Variants in NETO1 observed in about 807,000 individuals in gnomAD.
The protein encoded by NETO1 is neuropilin and tolloid-like protein 1.
NETO1 carries 26 observed loss-of-function variants against 61.3 expected under a neutral mutation model. That is an observed-to-expected ratio of 0.42 (90% confidence interval 0.31 to 0.59). The LOEUF (loss-of-function observed/expected upper bound fraction) is 0.59, where lower values mean the gene tolerates loss of function less well. Among genes scored for constraint, NETO1 ranks in the 20% least tolerant of loss-of-function variants. The pLI, the probability that NETO1 is intolerant of heterozygous loss-of-function variation, is 0.12. For synonymous variants in NETO1, 225 were observed against 225.8 expected, an observed-to-expected ratio of 1.00 and a Z score of 0.03; for missense variants, 531 against 662.8, an observed-to-expected ratio of 0.80 and a Z score of 2.18.
intron 4 of NETO1, among the ~76,000 whole-genome samples, chr18:72,802,134 G>A (rs1208661642): frequency 6.6e-6 from 1 of 150,840 alleles, no homozygotes; most frequent in Admixed American, 6.6e-5. Flanking sequence ...AAGTTTGATT[G>A]AAGAGTTGAG....
chr18:72,773,759 G>A (rs1015581876), intron 7 of NETO1, among the ~76,000 whole-genome samples: 2 of 152,110 alleles, frequency 1.3e-5, no homozygotes, highest in Non-Finnish European at 2.9e-5. Flanking sequence ...GTAGCTGTGA[G>A]TCAATTTAAC....
Position 72,750,156 on chromosome 18 carries a change from A to T in NETO1, c.1447T>A (p.Ser483Thr). Residue 483 changes from serine (S) to threonine (T), a missense_variant, in exon 9 of 11, where the codon TCG becomes ACG. Transcript: ENST00000327305. ...RNILVMKHSY[S>T]QDAADACDID... ...TCACAGGCATCTGCAGCATCTTGCG[A>T]GTAGCTGTGTTTCATGACAAGGATA... The T allele has an allele frequency of 6.2e-7, 1 of 1,613,872 alleles. No homozygotes were observed. The highest frequency in any genetic ancestry group is 1.7e-5 in the Admixed American group (1 of 59,974).
At chr18:72,835,785 T>C (rs780079967) in intron 4 of NETO1, among the ~76,000 whole-genome samples, 1 of 152,214 alleles carries the variant, frequency 6.6e-6, no homozygotes, top group Admixed American at 6.5e-5. Context: ...AAGAAAATTA[T>C]ATTTCATGTA....
chr18:72,753,555 T>C (rs923114955), intron 8 of NETO1, among the ~76,000 whole-genome samples: 6 of 152,200 alleles, frequency 3.9e-5, no homozygotes, highest in African/African-American at 1.4e-4. Context: ...GAGTTCATGT[T>C]GAAAACCAGT....
intron 4 of NETO1, among the ~76,000 whole-genome samples, chr18:72,817,971 G>C (rs548007099): frequency 1.3e-5 from 2 of 152,312 alleles, no homozygotes; most frequent in East Asian, 1.9e-4. Context: ...GAATGAGCTG[G>C]AAAGTGGATC....
At chr18:72,756,511 T>C (rs1159464317) in intron 7 of NETO1, among the ~76,000 whole-genome samples, 1 of 152,182 alleles carries the variant, frequency 6.6e-6, no homozygotes, top group Non-Finnish European at 1.5e-5. Flanking sequence ...TTAGTTTTAC[T>C]GTGCAAAAAC....
rs529253973 is a variant in NETO1, at chr18:72,811,960, G to T, written c.470-17556C>A. Among the ~76,000 whole-genome samples, 204 of 152,270 alleles carry T rather than the reference G, an allele frequency of 1.3e-3. 1 individual carries two copies. The highest frequency in any genetic ancestry group is 4.5e-3 in the African/African-American group (187 of 41,556). On this transcript the variant is annotated intron_variant, in intron 4 of 10. Transcript: ENST00000327305. ...AGGACTCCTAGTTCAACAGTGTGTG[G>T]GAATGAAGCAAGCAGCTCTGAGCAC... is the stretch of plus-strand genomic sequence containing the variant.
At chr18:72,851,004 G>T (rs1007591324) in intron 4 of NETO1, among the ~76,000 whole-genome samples, 2 of 152,202 alleles carry the variant, frequency 1.3e-5, no homozygotes, top group Non-Finnish European at 2.9e-5. Context: ...TGTCTTTCCT[G>T]TGTACTGCTG....
intron 4 of NETO1, among the ~76,000 whole-genome samples, chr18:72,823,696 A>G (rs2073283686): frequency 6.6e-6 from 1 of 152,174 alleles, no homozygotes; most frequent in African/African-American, 2.4e-5. Context: ...ATGTTTTTCA[A>G]TAGATTTTTA....
intron 4 of NETO1, among the ~76,000 whole-genome samples, chr18:72,848,847 G>A (rs1310526924): frequency 6.6e-6 from 1 of 152,140 alleles, no homozygotes; most frequent in Non-Finnish European, 1.5e-5. Flanking sequence ...CTTTATATCT[G>A]TCTCCTTTAG....
At chr18:72,818,012 A>G (rs1262918037) in intron 4 of NETO1, among the ~76,000 whole-genome samples, 1 of 152,036 alleles carries the variant, frequency 6.6e-6, no homozygotes, top group African/African-American at 2.4e-5. Flanking sequence ...GATGATTGCA[A>G]CTCGGGCTTA....
At chr18:72,789,231 C>CAT in intron 6 of NETO1, among the ~76,000 whole-genome samples, 1 of 145,680 alleles carries the variant, frequency 6.9e-6, no homozygotes, top group East Asian at 2.1e-4. Context: ...CACACACACA[C>CAT]ACACACACAC....
chr18:72,863,887 C>A (rs1464774988), intron 3 of NETO1, among the ~76,000 whole-genome samples: 1 of 152,076 alleles, frequency 6.6e-6, no homozygotes, highest in Admixed American at 6.5e-5. Context: ...ACTTCCATCA[C>A]CAGATGAAAT....
chr18:72,848,369 A>G (rs2074151265), intron 4 of NETO1, among the ~76,000 whole-genome samples: 1 of 152,084 alleles, frequency 6.6e-6, no homozygotes, highest in Non-Finnish European at 1.5e-5. Flanking sequence ...CATCAGCTCA[A>G]AAGTCCCACA....
intron 4 of NETO1, among the ~76,000 whole-genome samples, chr18:72,797,639 A>G (rs904924060): frequency 2.0e-5 from 3 of 152,186 alleles, no homozygotes; most frequent in Middle Eastern, 3.2e-3. Flanking sequence ...TAAATAAACT[A>G]TTACACATGT....
intron 4 of NETO1, among the ~76,000 whole-genome samples, chr18:72,804,128 A>G (rs905000349): frequency 6.6e-6 from 1 of 152,142 alleles, no homozygotes; most frequent in Admixed American, 6.5e-5. Context: ...CTTAATAAAT[A>G]GCTATTTAAA....
At chr18:72,766,220 A>ATG (rs34670401) in intron 7 of NETO1, among the ~76,000 whole-genome samples, 24,904 of 144,292 alleles carry the variant, frequency 0.17, 2,280 homozygotes, top group South Asian at 0.27. Context: ...AAAAAAAAAT[A>ATG]TGTGTGTGTG....
chr18:72,850,544 G>A (rs908811345), intron 4 of NETO1, among the ~76,000 whole-genome samples: 8 of 152,066 alleles, frequency 5.3e-5, no homozygotes, highest in Non-Finnish European at 7.4e-5. Context: ...AAATAGACTC[G>A]TCAATATTTT....
chr18:72,865,043 A>T, intron 2 of NETO1, 98 bp from the exon 3 acceptor site: 3 of 1,446,978 alleles, frequency 2.1e-6, no homozygotes, highest in Non-Finnish European at 2.8e-6. Context: ...TAGTAAATTA[A>T]TTTTTAAATG....
Sources: allele counts gnomAD v4.1 joint callset (sites outside exome capture counted in the v4.1 genomes callset), GRCh38; gene constraint gnomAD v4.1.1; transcripts MANE v1.5; gene names NCBI Gene and HGNC (gene_info 2026-07-23, HGNC 2026-07-21).